RARB: variants seen among roughly 807,000 people sequenced by gnomAD.
RARB encodes the protein retinoic acid receptor beta, also known as HBV-activated protein.
RARB carries 17 observed loss-of-function variants against 51.9 expected under a neutral mutation model. The ratio of observed to expected loss-of-function variants is 0.33; its 90% CI spans 0.22 to 0.49. The LOEUF is 0.49. Among genes scored for constraint, RARB ranks in the 20% least tolerant of loss-of-function variants. The pLI is 0.99. For synonymous variants in RARB, 215 were observed against 195.4 expected, an observed-to-expected ratio of 1.10 and a Z score of -0.84; for missense variants, 369 against 550.8, an observed-to-expected ratio of 0.67 and a Z score of 3.30.
Position 25,569,906 on chromosome 3 carries a change from T to C in RARB, c.597T>C (p.Gly199=). Residue 199 remains glycine, a synonymous_variant, in exon 4 of 8, where the codon GGT becomes GGC. Coordinates refer to ENST00000330688, the MANE Select transcript of RARB (RefSeq NM_000965.5). Reference sequence around the variant, plus strand: ...CTTTCCCTTCACTCTGCCAGCTGGGTAAATACACCACGGTAAGAGATACTC... The same window carrying C: ...CTTTCCCTTCACTCTGCCAGCTGGGCAAATACACCACGGTAAGAGATACTC... ...QETFPSLCQL[G]KYTTNSSADH... is the part of the protein sequence containing the mutation. The C allele has an allele frequency of 6.2e-7, 1 of 1,613,806 alleles. No individual in the cohort carries two copies.
At chr3:24,982,879 T>G (rs757507264) in intron 2 of RARB, among the ~76,000 whole-genome samples, 1 of 152,208 alleles carries the variant, frequency 6.6e-6, no homozygotes, top group Non-Finnish European at 1.5e-5. Context: ...TCCCATCCTG[T>G]AACACATATG....
At chr3:25,539,656 C>G (rs2125653499) in intron 3 of RARB, among the ~76,000 whole-genome samples, 1 of 144,922 alleles carries the variant, frequency 6.9e-6, no homozygotes, top group African/African-American at 2.6e-5. Context: ...CAATGTCCAT[C>G]CTAAAATAAG....
intron 5 of RARB, among the ~76,000 whole-genome samples, chr3:25,345,474 G>C (rs1705361729): frequency 6.6e-6 from 1 of 152,018 alleles, no homozygotes; most frequent in African/African-American, 2.4e-5. Context: ...AGACCAGCCT[G>C]GCCAATATGG....
In RARB at chr3:25,174,762, A is replaced by C. The variant is rs991187226; in HGVS notation, c.178+187A>C. Reference sequence around the variant, plus strand: ...TGAAACTAGACAAGTGGCAAATTTTAGAATTCAACCCGTTCAAAGCTGCTT... The same window carrying C: ...TGAAACTAGACAAGTGGCAAATTTTCGAATTCAACCCGTTCAAAGCTGCTT... On this transcript the variant is annotated intron_variant, in intron 5 of 11. Transcript: ENST00000383772. 1.1e-4 allele frequency among the ~76,000 whole-genome samples: 17 copies of C among 152,368 alleles called. 1 individual carries two copies. In the East Asian group the frequency reaches 3.3e-3, roughly 29 times the overall value.
At chr3:25,002,281 G>T (rs1380621984) in intron 2 of RARB, among the ~76,000 whole-genome samples, 3 of 152,198 alleles carry the variant, frequency 2.0e-5, no homozygotes, top group African/African-American at 7.2e-5. Context: ...AGCTTCAGGA[G>T]ATAGACAAGA....
chr3:25,027,015 G>T (rs555647729), intron 2 of RARB, among the ~76,000 whole-genome samples: 1 of 152,092 alleles, frequency 6.6e-6, no homozygotes, highest in African/African-American at 2.4e-5. Context: ...GTCTTTAAAA[G>T]CCAGCTAGCA....
intron 2 of RARB, among the ~76,000 whole-genome samples, chr3:25,021,347 T>C (rs980245384): frequency 6.6e-6 from 1 of 152,224 alleles, no homozygotes; most frequent in Non-Finnish European, 1.5e-5. Flanking sequence ...TTGACTTATT[T>C]GTAGTCTTGT....
intron 5 of RARB, among the ~76,000 whole-genome samples, chr3:25,343,954 C>T (rs1705310857): frequency 6.6e-6 from 1 of 152,132 alleles, no homozygotes; most frequent in Admixed American, 6.5e-5. Flanking sequence ...GAAATTATGA[C>T]AGGAAAGTGT....
At chr3:24,892,409 A>G (rs1461952943) in intron 2 of RARB, among the ~76,000 whole-genome samples, 1 of 152,100 alleles carries the variant, frequency 6.6e-6, no homozygotes, top group Non-Finnish European at 1.5e-5. Flanking sequence ...TAAACTGCTC[A>G]GTTGTTTGCA....
At chr3:25,465,324 A>C (rs1388268022) in intron 2 of RARB, among the ~76,000 whole-genome samples, 2 of 152,208 alleles carry the variant, frequency 1.3e-5, no homozygotes, top group Non-Finnish European at 2.9e-5. Context: ...TTAGGATACC[A>C]GCAGATGCAC....
chr3:24,955,496 G>A (rs1410370567), intron 2 of RARB, among the ~76,000 whole-genome samples: 1 of 152,172 alleles, frequency 6.6e-6, no homozygotes, highest in Non-Finnish European at 1.5e-5. Context: ...CTTCTATCCA[G>A]TATTTTCCTC....
chr3:25,237,475 T>A (rs977288409), intron 5 of RARB, among the ~76,000 whole-genome samples: 2 of 152,290 alleles, frequency 1.3e-5, no homozygotes, highest in South Asian at 4.1e-4. Context: ...TCTAAACAGT[T>A]TTTTGTTTTA....
At chr3:24,903,525 A>G (rs765694995) in intron 2 of RARB, among the ~76,000 whole-genome samples, 1 of 152,176 alleles carries the variant, frequency 6.6e-6, no homozygotes, top group Non-Finnish European at 1.5e-5. Flanking sequence ...AACCATTTCA[A>G]TGTATGATTA....
At chr3:25,446,802 CAAAAAAAAAAAA>C (rs5847356) in intron 1 of RARB, among the ~76,000 whole-genome samples, 27 of 69,106 alleles carry the variant, frequency 3.9e-4, no homozygotes, top group African/African-American at 1.6e-3. Context: ...GACTCCGTCT[CAAAAAAAAAAAA>C]AAAAAAAAAA....
chr3:25,229,141 T>A (rs1463026456), intron 5 of RARB, among the ~76,000 whole-genome samples: 1 of 152,114 alleles, frequency 6.6e-6, no homozygotes, highest in Non-Finnish European at 1.5e-5. Context: ...TTATTGCCAG[T>A]TGTTTTTACA....
chr3:24,831,784 C>G (rs950746595), intron 1 of RARB, among the ~76,000 whole-genome samples: 2 of 152,026 alleles, frequency 1.3e-5, no homozygotes, highest in Non-Finnish European at 2.9e-5. Flanking sequence ...GCTCAGGTAG[C>G]TTTAACAATA....
At chr3:25,248,678 A>G (rs1702630406) in intron 5 of RARB, among the ~76,000 whole-genome samples, 1 of 152,092 alleles carries the variant, frequency 6.6e-6, no homozygotes, top group South Asian at 2.1e-4. Flanking sequence ...GAAATACTTT[A>G]TTTGTCCTCC....
chr3:24,846,301 A>G (rs914725546), intron 1 of RARB, among the ~76,000 whole-genome samples: 4 of 152,192 alleles, frequency 2.6e-5, no homozygotes, highest in African/African-American at 9.7e-5. Context: ...TAAATAAGAT[A>G]AGGAATGTTA....
At chr3:25,068,732 C>T (rs183605039) in intron 3 of RARB, among the ~76,000 whole-genome samples, 5 of 152,132 alleles carry the variant, frequency 3.3e-5, no homozygotes, top group Admixed American at 1.3e-4. Flanking sequence ...AAGGATGAAT[C>T]TGATTGAGGC....
Sources: allele counts gnomAD v4.1 joint callset (sites outside exome capture counted in the v4.1 genomes callset), GRCh38; gene constraint gnomAD v4.1.1; transcripts MANE v1.5; gene names NCBI Gene and HGNC (gene_info 2026-07-23, HGNC 2026-07-21).